The following GPC6 variants were observed in gnomAD, a reference collection of about 807,000 sequenced individuals.
GPC6 encodes glypican-6.
In GPC6, 14 loss-of-function variants were observed where a neutral mutation model predicts 55.2. That is an observed-to-expected ratio of 0.25 (90% confidence interval 0.17 to 0.40). The LOEUF is 0.40. GPC6 is among the 10% of genes least tolerant of loss of function. The pLI is 1.00. For synonymous variants in GPC6, 278 were observed against 259.6 expected, an observed-to-expected ratio of 1.07 and a Z score of -0.68; for missense variants, 641 against 708.5, an observed-to-expected ratio of 0.90 and a Z score of 1.08.
At chr13:93,901,671 G>T (rs760594910) in intron 3 of GPC6, among the ~76,000 whole-genome samples, 2 of 151,964 alleles carry the variant, frequency 1.3e-5, no homozygotes, top group African/African-American at 4.8e-5. Flanking sequence ...GGAAGGCAGA[G>T]GTAGGTGGAT....
At chr13:93,541,810 C>T (rs547209040) in intron 1 of GPC6, among the ~76,000 whole-genome samples, 51 of 150,590 alleles carry the variant, frequency 3.4e-4, no homozygotes, top group African/African-American at 1.1e-3. Flanking sequence ...TGTTTTTTGG[C>T]TGCATAAATG....
chr13:93,569,754 C>T (rs1876308336), intron 2 of GPC6, among the ~76,000 whole-genome samples: 1 of 151,888 alleles, frequency 6.6e-6, no homozygotes, highest in South Asian at 2.1e-4. Flanking sequence ...TATTTGTATA[C>T]TTTTTGTACA....
intron 4 of GPC6, among the ~76,000 whole-genome samples, chr13:94,085,644 C>A (rs1051984245): frequency 1.3e-5 from 2 of 152,064 alleles, no homozygotes; most frequent in African/African-American, 2.4e-5. Context: ...ATTTAATCCT[C>A]ACAAGCCTGT....
At chr13:93,768,865 G>T (rs1378393158) in intron 2 of GPC6, among the ~76,000 whole-genome samples, 1 of 151,944 alleles carries the variant, frequency 6.6e-6, no homozygotes, top group African/African-American at 2.4e-5. Flanking sequence ...CTTGCTCTCT[G>T]GGAAGCTTCT....
intron 4 of GPC6, among the ~76,000 whole-genome samples, chr13:94,167,107 G>T (rs1397006709): frequency 6.6e-6 from 1 of 152,142 alleles, no homozygotes; most frequent in Non-Finnish European, 1.5e-5. Context: ...TTATCAGCCA[G>T]CCAAATTTTA....
intron 2 of GPC6, among the ~76,000 whole-genome samples, chr13:93,789,509 C>CTCTCTATATA (rs1363454667): frequency 1.5e-4 from 14 of 93,456 alleles, no homozygotes; most frequent in African/African-American, 5.9e-4. Flanking sequence ...CTCTCTCTCT[C>CTCTCTATATA]TATATATATA....
intron 1 of GPC6, among the ~76,000 whole-genome samples, chr13:93,303,073 A>G (rs913007400): frequency 6.6e-6 from 1 of 152,258 alleles, no homozygotes; most frequent in Non-Finnish European, 1.5e-5. Flanking sequence ...AGGCAACTGT[A>G]TAACCATAGA....
chr13:94,040,120 A>G (rs959201080), intron 4 of GPC6, among the ~76,000 whole-genome samples: 1 of 151,820 alleles, frequency 6.6e-6, no homozygotes, highest in Admixed American at 6.6e-5. Context: ...TGCAATTCTC[A>G]TTGCACGAAA....
intron 3 of GPC6, among the ~76,000 whole-genome samples, chr13:93,952,875 CA>C (rs772322933): frequency 9.3e-6 from 1 of 107,180 alleles, no homozygotes; most frequent in Non-Finnish European, 2.1e-5. Context: ...TATATATATA[CA>C]TATATATATG....
intron 4 of GPC6, among the ~76,000 whole-genome samples, chr13:94,140,891 T>TA (rs1276754126): frequency 6.6e-6 from 1 of 151,852 alleles, no homozygotes; most frequent in Non-Finnish European, 1.5e-5. Flanking sequence ...ACAAAGCTAG[T>TA]AAAAAATCTT....
intron 3 of GPC6, among the ~76,000 whole-genome samples, chr13:93,837,813 A>C (rs1351418978): frequency 6.6e-6 from 1 of 152,166 alleles, no homozygotes; most frequent in Non-Finnish European, 1.5e-5. Context: ...TAAAGGTTGC[A>C]TAGGTGTTGG....
chr13:93,687,707 A>T (rs1882100120), intron 2 of GPC6, among the ~76,000 whole-genome samples: 1 of 152,214 alleles, frequency 6.6e-6, no homozygotes, highest in Non-Finnish European at 1.5e-5. Context: ...TATTAATGTT[A>T]TCTGTTACTA....
intron 3 of GPC6, among the ~76,000 whole-genome samples, chr13:93,848,556 C>T (rs895551118): frequency 6.6e-6 from 1 of 152,062 alleles, no homozygotes; most frequent in Non-Finnish European, 1.5e-5. Flanking sequence ...GTCCTGTTTA[C>T]AAGTCCTGGC....
chr13:94,102,924 A>G (rs1239459121), intron 4 of GPC6, among the ~76,000 whole-genome samples: 2 of 152,164 alleles, frequency 1.3e-5, no homozygotes, highest in Non-Finnish European at 1.5e-5. Context: ...TCTAGGGTAC[A>G]TGTGCACAAC....
chr13:93,603,063 G>A (rs1023714857), intron 2 of GPC6, among the ~76,000 whole-genome samples: 1 of 151,760 alleles, frequency 6.6e-6, no homozygotes, highest in Non-Finnish European at 1.5e-5. Context: ...AGGCTGGAGT[G>A]CAGTGGCACC....
chr13:94,031,110 ATGTGTG>A (rs148462602), intron 4 of GPC6, among the ~76,000 whole-genome samples: 5 of 147,920 alleles, frequency 3.4e-5, no homozygotes, highest in Non-Finnish European at 7.5e-5. Flanking sequence ...GTGTGCGTGC[ATGTGTG>A]TGTGTGTGTG....
intron 1 of GPC6, among the ~76,000 whole-genome samples, chr13:93,339,645 G>C (rs1456080182): frequency 6.6e-6 from 1 of 152,194 alleles, no homozygotes; most frequent in African/African-American, 2.4e-5. Context: ...AGATTGGTCA[G>C]TTTTGCATAA....
chr13:94,379,928 G>T (rs1170579713), intron 6 of GPC6, among the ~76,000 whole-genome samples: 1 of 152,156 alleles, frequency 6.6e-6, no homozygotes, highest in Non-Finnish European at 1.5e-5. Context: ...CATCAAGAGG[G>T]CATAGCGCAG....
At chr13:93,468,463 T>G (rs1878993586) in intron 1 of GPC6, among the ~76,000 whole-genome samples, 1 of 115,266 alleles carries the variant, frequency 8.7e-6, no homozygotes, top group South Asian at 2.7e-4. Flanking sequence ...TATATCTTAT[T>G]GTAATAAAGA....
Sources: gnomAD v4.1 joint callset for allele counts (sites outside exome capture counted in the v4.1 genomes callset) on GRCh38, gnomAD v4.1.1 for gene constraint, MANE v1.5 for transcripts, NCBI Gene and HGNC (gene_info 2026-07-23, HGNC 2026-07-21) for gene names.